The following PLPPR1 variants were observed in gnomAD, a reference collection of about 807,000 sequenced individuals.
The protein encoded by PLPPR1 is phospholipid phosphatase-related protein type 1.
A neutral mutation model predicts 33.1 loss-of-function variants in PLPPR1; 10 were observed. That is an observed-to-expected ratio of 0.30 (90% CI 0.19 to 0.51). PLPPR1 has a LOEUF of 0.51. Ranked by LOEUF, PLPPR1 falls within the 20% of genes least tolerant of loss-of-function variation. The probability of loss-of-function intolerance (pLI) is 0.97; values close to 1 mark genes in which losing one functional copy is unlikely to be tolerated. For synonymous variants in PLPPR1, 151 were observed against 151.0 expected, an observed-to-expected ratio of 1.00 and a Z score of 0.00; for missense variants, 304 against 408.1, an observed-to-expected ratio of 0.74 and a Z score of 2.20.
chr9:101,287,899 C>T (rs1429797549), intron 4 of PLPPR1, among the ~76,000 whole-genome samples: 5 of 152,116 alleles, frequency 3.3e-5, no homozygotes, highest in East Asian at 1.9e-4. Context: ...TGCACACACA[C>T]GTACATAATT....
intron 4 of PLPPR1, among the ~76,000 whole-genome samples, chr9:101,306,454 G>C (rs1828860664): frequency 6.6e-6 from 1 of 152,172 alleles, no homozygotes; most frequent in Non-Finnish European, 1.5e-5. Flanking sequence ...TTGTAAGACT[G>C]TCTCGCCCTC....
At chr9:101,284,408 G>C (rs896483484) in intron 3 of PLPPR1, among the ~76,000 whole-genome samples, 1 of 152,162 alleles carries the variant, frequency 6.6e-6, no homozygotes, top group Non-Finnish European at 1.5e-5. Context: ...ATCTACAGAA[G>C]TTGATCTCAC....
chr9:101,265,990 C>G (rs1164579939), intron 2 of PLPPR1, among the ~76,000 whole-genome samples: 1 of 147,754 alleles, frequency 6.8e-6, no homozygotes, highest in Non-Finnish European at 1.5e-5. Flanking sequence ...TGCGAGACAC[C>G]GCCTCAAAAA....
At chr9:101,078,454 G>GT (rs981713686) in intron 1 of PLPPR1, among the ~76,000 whole-genome samples, 2 of 152,038 alleles carry the variant, frequency 1.3e-5, no homozygotes, top group Non-Finnish European at 2.9e-5. Context: ...AAGATTTTCA[G>GT]TTTTTTGGGA....
chr9:101,223,171 AAG>A (rs1319381741), intron 2 of PLPPR1, among the ~76,000 whole-genome samples: 2,952 of 24,966 alleles, frequency 0.12, 27 homozygotes, highest in East Asian at 0.27. Context: ...AAAAAAAAAA[AAG>A]AAAAGAAAAA....
At chr9:101,223,551 G>A (rs890845049) in intron 2 of PLPPR1, among the ~76,000 whole-genome samples, 9 of 152,064 alleles carry the variant, frequency 5.9e-5, no homozygotes, top group Middle Eastern at 3.2e-3. Flanking sequence ...TAAGCCCCAT[G>A]TGTCAAGGGA....
chr9:101,053,440 G>A (rs552558912), intron 1 of PLPPR1, among the ~76,000 whole-genome samples: 2 of 152,210 alleles, frequency 1.3e-5, no homozygotes, highest in African/African-American at 4.8e-5. Context: ...CTACTCTAAT[G>A]CCTCCAGAGT....
At chr9:101,126,409 T>C (rs1345259154) in intron 1 of PLPPR1, among the ~76,000 whole-genome samples, 3 of 152,190 alleles carry the variant, frequency 2.0e-5, no homozygotes, top group Non-Finnish European at 4.4e-5. Flanking sequence ...GGGACCTTTT[T>C]TGGTGGCTCT....
intron 2 of PLPPR1, among the ~76,000 whole-genome samples, chr9:101,210,829 G>A (rs1826676761): frequency 6.6e-6 from 1 of 152,208 alleles, no homozygotes; most frequent in East Asian, 1.9e-4. Context: ...GTGCAGTGGC[G>A]CGATCTCAGC....
rs538117369 is a variant in PLPPR1 at position 101,298,424 on chromosome 9, A to G, written c.386-10787A>G. 1.3e-4 allele frequency among the ~76,000 whole-genome samples: 20 copies of G among 152,352 alleles called. No homozygotes were observed. The South Asian group carries it at 3.9e-3, about 30-fold the overall frequency. On this transcript the variant is annotated intron_variant, in intron 4 of 7. Coordinates refer to ENST00000374874, the MANE Select transcript of PLPPR1 (RefSeq NM_207299.2). ...CAAGTGTGGTCTAAGTGAAGCATGA[A>G]TATTTTAAATGCAGTTTCAAAGGTC... is the stretch of plus-strand genomic sequence containing the variant.
intron 1 of PLPPR1, among the ~76,000 whole-genome samples, chr9:101,118,159 A>T (rs1027851394): frequency 6.6e-6 from 1 of 152,206 alleles, no homozygotes; most frequent in African/African-American, 2.4e-5. Context: ...GATGGGGAGG[A>T]AGCTGATAAA....
rs193017712 is a variant in PLPPR1 at position 101,271,391 on chromosome 9, G to C, written c.252+1323G>C. On this transcript the variant is annotated intron_variant, in intron 3 of 7. Transcript: ENST00000374874. ...GGAAACAAAAAACCTGGCTGGAACT[G>C]CTCTTTGCCCTCTTTGGAATCACAG... Among the ~76,000 whole-genome samples the C allele has an allele frequency of 6.9e-4, 105 of 152,318 alleles. 2 individuals carry two copies. The East Asian group carries it at 0.013, about 19-fold the overall frequency.
At chr9:101,143,458 C>T (rs977549389) in intron 1 of PLPPR1, among the ~76,000 whole-genome samples, 1 of 152,120 alleles carries the variant, frequency 6.6e-6, no homozygotes, top group African/African-American at 2.4e-5. Flanking sequence ...AGCTTCTGCA[C>T]AGCGAAATAA....
At chr9:101,182,386 A>G (rs1334879619) in intron 1 of PLPPR1, among the ~76,000 whole-genome samples, 1 of 151,810 alleles carries the variant, frequency 6.6e-6, no homozygotes, top group Non-Finnish European at 1.5e-5. Flanking sequence ...TAGATTTTAA[A>G]TGTTTTGGTA....
intron 1 of PLPPR1, among the ~76,000 whole-genome samples, chr9:101,138,753 C>G (rs894058015): frequency 2.6e-5 from 4 of 152,196 alleles, no homozygotes; most frequent in African/African-American, 9.7e-5. Flanking sequence ...AATTATCACC[C>G]TCCAGTGACA....
At chr9:101,036,207 A>T (rs1830007559) in intron 1 of PLPPR1, among the ~76,000 whole-genome samples, 1 of 152,178 alleles carries the variant, frequency 6.6e-6, no homozygotes, top group Admixed American at 6.5e-5. Flanking sequence ...TCCACAAAGG[A>T]TACATCCTAG....
At chr9:101,264,311 T>C (rs1827948485) in intron 2 of PLPPR1, among the ~76,000 whole-genome samples, 1 of 152,170 alleles carries the variant, frequency 6.6e-6, no homozygotes, top group Non-Finnish European at 1.5e-5. Context: ...CCCCTCGCTT[T>C]ATGGAATTGA....
At chr9:101,110,009 C>A (rs1374584876) in intron 1 of PLPPR1, among the ~76,000 whole-genome samples, 2 of 152,140 alleles carry the variant, frequency 1.3e-5, no homozygotes, top group Admixed American at 6.5e-5. Context: ...GACATGTAAA[C>A]AGTTAGTCAT....
At chr9:101,216,215 A>G (rs780447537) in intron 2 of PLPPR1, among the ~76,000 whole-genome samples, 2 of 152,158 alleles carry the variant, frequency 1.3e-5, no homozygotes, top group South Asian at 2.1e-4. Flanking sequence ...GGTAAAAGCC[A>G]CTTTAACTGG....
Sources: allele counts gnomAD v4.1 joint callset (sites outside exome capture counted in the v4.1 genomes callset), GRCh38; gene constraint gnomAD v4.1.1; transcripts MANE v1.5; gene names NCBI Gene and HGNC (gene_info 2026-07-23, HGNC 2026-07-21).